Variants in UPRT observed in about 807,000 individuals in gnomAD.
UPRT encodes the protein uracil phosphoribosyltransferase homolog, also known as RP11-311P8.3.
Under a neutral mutation model 22.6 loss-of-function variants are expected in UPRT, and 5 were observed. The observed-to-expected ratio is 0.22, with a 90% CI of 0.12 to 0.47. UPRT has a LOEUF of 0.47. UPRT is among the 20% of genes least tolerant of loss of function. UPRT has a pLI of 0.99. For missense variants in UPRT, 181 were observed against 239.9 expected (o/e 0.75, Z 1.62); for synonymous variants, 77 against 87.7 (o/e 0.88, Z 0.68).
At chrX:75,229,307 G>C (rs945773908) in intron 4 of UPRT, among the ~76,000 whole-genome samples, 4 of 111,436 alleles carry the variant, frequency 3.6e-5, no homozygotes, top group African/African-American at 1.3e-4. Flanking sequence ...TTATGCCTCA[G>C]GAAACCTGGA....
At chrX:75,295,772 A>G (rs952484965) in intron 2 of UPRT, among the ~76,000 whole-genome samples, 1 of 111,653 alleles carries the variant, frequency 9.0e-6, no homozygotes, top group Non-Finnish European at 1.9e-5. Context: ...ACCACACATT[A>G]TGATTGATAT....
intron 4 of UPRT, among the ~76,000 whole-genome samples, chrX:75,188,872 C>G (rs2082304928): frequency 8.9e-6 from 1 of 112,005 alleles, no homozygotes; most frequent in African/African-American, 3.2e-5. Flanking sequence ...ATGCCTCACC[C>G]TGCTTCGGCT....
intron 4 of UPRT, among the ~76,000 whole-genome samples, chrX:75,207,926 A>G (rs2147626492): frequency 9.0e-6 from 1 of 111,369 alleles, no homozygotes; most frequent in South Asian, 3.9e-4. Flanking sequence ...CAGTACTGGG[A>G]CCATTTTAGG....
At chrX:75,259,343 T>C (rs1048202853) in intron 4 of UPRT, among the ~76,000 whole-genome samples, 2 of 109,871 alleles carry the variant, frequency 1.8e-5, no homozygotes, top group Non-Finnish European at 3.8e-5. Context: ...AGGAGCATGT[T>C]CTAACCCAAT....
intron 4 of UPRT, among the ~76,000 whole-genome samples, chrX:75,264,063 T>G (rs2082578127): frequency 8.9e-6 from 1 of 112,222 alleles, no homozygotes; most frequent in African/African-American, 3.2e-5. Context: ...TCTAGTTTGA[T>G]TGCACTGTGG....
At position 75,296,498 on chromosome X, in the gene UPRT, ATAAAT is replaced by A. The variant is rs1258225615; in HGVS notation, c.499+88_499+92del. The A allele has an allele frequency of 3.6e-5, 29 of 802,696 alleles. No homozygotes were observed. The Admixed American group carries it at 7.2e-4, about 20-fold the overall frequency. 66.2% of individuals were successfully genotyped at this position (802,696 alleles called of 1,213,427 possible). A position where few individuals can be genotyped will look rare whatever the true frequency, so the allele number is the denominator to read the frequency against. On this transcript the variant is annotated intron_variant, in intron 3 of 6. Coordinates refer to ENST00000373383, the MANE Select transcript of UPRT (RefSeq NM_145052.4). ...ATGTAAGTAAAGCAGTCTAAGTAAA[ATAAAT>A]ATGCAAAATGAAGGGCTAGGTGGAG...
At chrX:75,209,381 C>CT (rs920003024) in intron 4 of UPRT, among the ~76,000 whole-genome samples, 8 of 108,782 alleles carry the variant, frequency 7.4e-5, no homozygotes, top group Admixed American at 2.9e-4. Flanking sequence ...TTCTTTTTTT[C>CT]TTTTTTTTTG....
upstream of UPRT, among the ~76,000 whole-genome samples, chrX:75,271,236 C>G (rs2082607032): frequency 2.7e-5 from 3 of 112,228 alleles, 1 homozygote; most frequent in South Asian, 1.1e-3. Flanking sequence ...ATCATATTAC[C>G]TGGTTTCAAA....
chrX:75,201,952 G>A (rs979850752), intron 4 of UPRT, among the ~76,000 whole-genome samples: 3 of 111,462 alleles, frequency 2.7e-5, no homozygotes, highest in Non-Finnish European at 5.6e-5. Context: ...TCCATCAGCT[G>A]TGATTTGTAA....
chrX:75,283,757 G>A (rs2886845), intron 1 of UPRT, among the ~76,000 whole-genome samples: 71,770 of 110,142 alleles, frequency 0.65, 20,735 homozygotes, highest in Non-Finnish European at 0.91. Context: ...TGGATAGCCC[G>A]ACGAAAATGT....
At chrX:75,232,934 G>A (rs1306385524) in intron 4 of UPRT, among the ~76,000 whole-genome samples, 1 of 112,431 alleles carries the variant, frequency 8.9e-6, no homozygotes, top group Non-Finnish European at 1.9e-5. Flanking sequence ...AAGCTGGACG[G>A]AGAATGATTT....
intron 6 of UPRT, among the ~76,000 whole-genome samples, chrX:75,301,582 A>G (rs1328117908): frequency 1.8e-5 from 2 of 112,147 alleles, no homozygotes; most frequent in Non-Finnish European, 3.8e-5. Context: ...ATGTGAAAGT[A>G]TACAAATGAC....
At chrX:75,234,527 T>C (rs1041899923) in intron 4 of UPRT, among the ~76,000 whole-genome samples, 1 of 111,599 alleles carries the variant, frequency 9.0e-6, no homozygotes, top group Non-Finnish European at 1.9e-5. Flanking sequence ...ATTGACCACA[T>C]ACTTGGAAGT....
chrX:75,195,138 G>A (rs774918342), intron 4 of UPRT, among the ~76,000 whole-genome samples: 11 of 112,286 alleles, frequency 9.8e-5, no homozygotes, highest in Non-Finnish European at 2.1e-4. Context: ...AGTGGCATGG[G>A]GGATGGTGTG....
intron 4 of UPRT, among the ~76,000 whole-genome samples, chrX:75,260,537 C>T (rs541781164): frequency 1.7e-4 from 19 of 112,336 alleles, no homozygotes; most frequent in African/African-American, 6.1e-4. Flanking sequence ...TGGATCAATT[C>T]AATAAGAAGA....
At chrX:75,257,740 A>G (rs1487190518) in intron 4 of UPRT, among the ~76,000 whole-genome samples, 1 of 111,574 alleles carries the variant, frequency 9.0e-6, no homozygotes, top group African/African-American at 3.3e-5. Flanking sequence ...TGAGAATCAA[A>G]TCAAGAACTC....
upstream of UPRT, among the ~76,000 whole-genome samples, chrX:75,272,321 C>CAA (rs1569279452): frequency 5.2e-5 from 1 of 19,062 alleles, no homozygotes; most frequent in African/African-American, 1.0e-4. Context: ...TGTATATATA[C>CAA]ATATATATGT....
intron 4 of UPRT, among the ~76,000 whole-genome samples, chrX:75,257,172 G>A (rs190169895): frequency 2.4e-4 from 27 of 112,050 alleles, no homozygotes; most frequent in African/African-American, 6.5e-4. Context: ...CATCCATCAT[G>A]ATCAAGTGGG....
At chrX:75,235,299 C>T (rs977517862) in intron 4 of UPRT, among the ~76,000 whole-genome samples, 2 of 111,667 alleles carry the variant, frequency 1.8e-5, no homozygotes, top group Admixed American at 9.5e-5. Flanking sequence ...TAATCAATAG[C>T]TTACCAACCA....
Sources: gnomAD v4.1 joint callset for allele counts (sites outside exome capture counted in the v4.1 genomes callset) on GRCh38, gnomAD v4.1.1 for gene constraint, MANE v1.5 for transcripts, NCBI Gene and HGNC (gene_info 2026-07-23, HGNC 2026-07-21) for gene names.